Variants in ADAM10 observed in about 807,000 individuals in gnomAD.
ADAM10 encodes ADAM metallopeptidase domain 10.
In ADAM10, 17 loss-of-function variants were observed where a neutral mutation model predicts 90.1. The observed-to-expected ratio is 0.19, with a 90% CI of 0.13 to 0.28. The LOEUF is 0.28. ADAM10 is among the 10% of genes least tolerant of loss of function. The pLI is 1.00. For missense variants in ADAM10, 610 were observed against 914.3 expected, an observed-to-expected ratio of 0.67 and a Z score of 4.29; for synonymous variants, 310 against 298.6, an observed-to-expected ratio of 1.04 and a Z score of -0.40.
chr15:58,730,595 G>A (rs1383451183), intron 1 of ADAM10, among the ~76,000 whole-genome samples: 3 of 152,052 alleles, frequency 2.0e-5, no homozygotes, highest in African/African-American at 7.2e-5. Flanking sequence ...TCCTCTACAA[G>A]AGGAATACTA....
intron 2 of ADAM10, among the ~76,000 whole-genome samples, chr15:58,713,056 A>G (rs1898528392): frequency 6.6e-6 from 1 of 152,152 alleles, no homozygotes; most frequent in South Asian, 2.1e-4. Flanking sequence ...AATATTTAAG[A>G]AGAAAATCTG....
intron 5 of ADAM10, among the ~76,000 whole-genome samples, chr15:58,661,011 A>G (rs1896952848): frequency 6.6e-6 from 1 of 152,264 alleles, no homozygotes. Flanking sequence ...ACGGTTTACA[A>G]TATCCATCTT....
intron 2 of ADAM10, among the ~76,000 whole-genome samples, chr15:58,714,929 G>A (rs1001562919): frequency 3.3e-5 from 5 of 151,972 alleles, no homozygotes; most frequent in African/African-American, 4.8e-5. Context: ...AGGAAAGGGA[G>A]GAACAAGATC....
chr15:58,638,397 C>T (rs1896325055), intron 8 of ADAM10, among the ~76,000 whole-genome samples: 1 of 151,522 alleles, frequency 6.6e-6, no homozygotes, highest in Admixed American at 6.6e-5. Context: ...GGGCGGATCA[C>T]GAGGTCAGGA....
chr15:58,675,129 C>T (rs1334712059), intron 4 of ADAM10, among the ~76,000 whole-genome samples: 1 of 152,194 alleles, frequency 6.6e-6, no homozygotes, highest in Non-Finnish European at 1.5e-5. Flanking sequence ...ACCCAGAAGG[C>T]GGAGGTTGCA....
At chr15:58,725,841 G>A (rs1195049721) in intron 1 of ADAM10, among the ~76,000 whole-genome samples, 1 of 152,072 alleles carries the variant, frequency 6.6e-6, no homozygotes, top group Non-Finnish European at 1.5e-5. Context: ...CACAAATGAA[G>A]GTGAGAAGAG....
rs1257877627 is a variant in ADAM10 at position 58,695,974 on chromosome 15, GTT to G, written c.207-13662_207-13661del. On this transcript the variant is annotated intron_variant, in intron 2 of 15. Transcript: ENST00000260408. ...TCTACTGAAATTACAAAATGAGCCG[GTT>G]GTGATGATACATGCCTGTAATCCCA... 8.0e-3 allele frequency among the ~76,000 whole-genome samples: 1,223 copies of G among 152,198 alleles called. 20 individuals are homozygous for G. Among genetic ancestry groups the G allele is most frequent in the African/African-American group, 0.028 (1,172 of 41,528 alleles).
At chr15:58,667,380 C>T (rs1274748800) in intron 4 of ADAM10, among the ~76,000 whole-genome samples, 2 of 152,138 alleles carry the variant, frequency 1.3e-5, no homozygotes, top group African/African-American at 4.8e-5. Flanking sequence ...GTCAACAGAA[C>T]TAGGCATAAA....
At chr15:58,732,020 T>C (rs779998041) in intron 1 of ADAM10, among the ~76,000 whole-genome samples, 41 of 152,032 alleles carry the variant, frequency 2.7e-4, no homozygotes, top group Non-Finnish European at 5.6e-4. Flanking sequence ...GATCTGCAGA[T>C]CCTACATGTC....
chr15:58,664,962 C>CT (rs1897045660), intron 5 of ADAM10, 135 bp downstream of exon 5: 1 of 740,986 alleles, frequency 1.3e-6, no homozygotes, highest in Admixed American at 2.1e-5. Flanking sequence ...TACCTGGCCT[C>CT]TTTGAGCATT....
rs1481068655 is a variant in ADAM10, at chr15:58,590,306, A to C, written c.*7241T>G. 1 of 152,192 alleles carries C rather than the reference A, an allele frequency of 6.6e-6. No homozygotes were observed. Among genetic ancestry groups the C allele is most frequent in the Non-Finnish European group, 1.5e-5 (1 of 68,052 alleles). 9.4% of individuals were successfully genotyped at this position (152,192 alleles called of 1,614,324 possible). A position where few individuals can be genotyped will look rare whatever the true frequency, so the allele number is the denominator to read the frequency against. ...GCATGTATCACAGCTGGAATTGTAC[A>C]TTTATTCACATGATTATCTGATATC... is the stretch of plus-strand genomic sequence containing the variant. On this transcript the variant is annotated 3_prime_UTR_variant, in exon 16 of 16. Coordinates refer to ENST00000260408, the MANE Select transcript of ADAM10 (RefSeq NM_001110.4).
chr15:58,623,222 A>G (rs576835127), intron 10 of ADAM10, among the ~76,000 whole-genome samples: 27 of 152,374 alleles, frequency 1.8e-4, no homozygotes, highest in Admixed American at 1.0e-3. Context: ...AATATAAAAC[A>G]GAAGCTTGGC....
At chr15:58,702,358 T>C (rs1322134438) in intron 2 of ADAM10, among the ~76,000 whole-genome samples, 7 of 151,998 alleles carry the variant, frequency 4.6e-5, no homozygotes, top group African/African-American at 1.7e-4. Context: ...AACATACAAT[T>C]AGATCGAAGT....
intron 8 of ADAM10, among the ~76,000 whole-genome samples, chr15:58,638,614 C>CAAAAAAAAAAAAA (rs60048171): frequency 1.3e-5 from 1 of 78,218 alleles, no homozygotes. Flanking sequence ...CACTCTGTCT[C>CAAAAAAAAAAAAA]AAAAAAAAAA....
chr15:58,656,279 T>C (rs1896827306), intron 5 of ADAM10, among the ~76,000 whole-genome samples: 2 of 152,326 alleles, frequency 1.3e-5, no homozygotes, highest in Middle Eastern at 6.8e-3. Context: ...CTACTCTATG[T>C]CTTTTGATTA....
intron 11 of ADAM10, among the ~76,000 whole-genome samples, chr15:58,617,785 T>G (rs1356080255): frequency 6.6e-6 from 1 of 151,608 alleles, no homozygotes; most frequent in African/African-American, 2.4e-5. Flanking sequence ...AAAATCAATC[T>G]CATTTATAAT....
At chr15:58,717,507 A>G (rs1400953798) in intron 2 of ADAM10, 70 bp downstream of exon 2, 2 of 1,592,968 alleles carry the variant, frequency 1.3e-6, no homozygotes, top group African/African-American at 2.7e-5. Context: ...AATTAAGGAT[A>G]TAAATCTCCT....
intron 3 of ADAM10, among the ~76,000 whole-genome samples, chr15:58,679,927 T>G (rs1380253821): frequency 1.3e-5 from 2 of 151,906 alleles, no homozygotes; most frequent in Non-Finnish European, 2.9e-5. Flanking sequence ...ACAAAACAAT[T>G]AATTGTTAAA....
intron 2 of ADAM10, among the ~76,000 whole-genome samples, chr15:58,699,191 A>C (rs1281375591): frequency 1.3e-5 from 2 of 152,236 alleles, no homozygotes; most frequent in Non-Finnish European, 2.9e-5. Flanking sequence ...GATTACACCC[A>C]GGAAAACTTT....
Sources: gnomAD v4.1 joint callset for allele counts (sites outside exome capture counted in the v4.1 genomes callset) on GRCh38, gnomAD v4.1.1 for gene constraint, MANE v1.5 for transcripts, NCBI Gene and HGNC (gene_info 2026-07-23, HGNC 2026-07-21) for gene names.